The following POLR3B variants were observed in gnomAD, a reference collection of about 807,000 sequenced individuals.
POLR3B encodes RNA polymerase III subunit B, also known as DNA-directed RNA polymerase III subunit RPC2.
POLR3B carries 96 observed loss-of-function variants against 147.4 expected under a neutral mutation model. The ratio of observed to expected loss-of-function variants is 0.65; its 90% CI spans 0.55 to 0.77. POLR3B has a LOEUF of 0.77. POLR3B is among the 30% of genes least tolerant of loss of function. The probability of loss-of-function intolerance (pLI) is 0.00; values close to 1 mark genes in which losing one functional copy is unlikely to be tolerated. For missense variants in POLR3B, 1,036 were observed against 1,413.5 expected, an observed-to-expected ratio of 0.73 and a Z score of 4.28; for synonymous variants, 461 against 485.9, an observed-to-expected ratio of 0.95 and a Z score of 0.67.
intron 18 of POLR3B, among the ~76,000 whole-genome samples, chr12:106,442,834 T>G (rs2037671439): frequency 6.6e-6 from 1 of 152,186 alleles, no homozygotes; most frequent in African/African-American, 2.4e-5. Flanking sequence ...ACACATCTGG[T>G]ACTTTCCACA....
rs1393457927 is a variant in POLR3B at position 106,496,800 on chromosome 12, G to A, written c.2866G>A (p.Gly956Ser). The A allele has an allele frequency of 9.3e-6, 15 of 1,614,150 alleles. No individual in the cohort carries two copies. Among genetic ancestry groups the A allele is most frequent in the Non-Finnish European group, 1.2e-5 (14 of 1,180,028 alleles). ...LLAGKAGVLD[G>S]RFHYGTAFGG... ...GGCTGGCAAGGCCGGTGTGCTGGAC[G>A]GCAGATTCCACTACGGCACTGCGTT... The change falls in exon 25 of 28, where the codon GGC becomes AGC. Residue 956 changes from glycine to serine, a missense_variant. Coordinates refer to ENST00000228347, the MANE Select transcript of POLR3B (RefSeq NM_018082.6).
intron 23 of POLR3B, among the ~76,000 whole-genome samples, chr12:106,474,899 T>C (rs1490979455): frequency 6.6e-6 from 1 of 150,386 alleles, no homozygotes; most frequent in Non-Finnish European, 1.5e-5. Context: ...ATTTCTTGCC[T>C]TCTGCTAGCT....
At chr12:106,414,468 C>T (rs930340933) in intron 12 of POLR3B, among the ~76,000 whole-genome samples, 1 of 152,022 alleles carries the variant, frequency 6.6e-6, no homozygotes, top group Non-Finnish European at 1.5e-5. Flanking sequence ...CCTGGAACTT[C>T]TAAGTCTTCT....
intron 23 of POLR3B, among the ~76,000 whole-genome samples, chr12:106,483,764 G>A (rs926494527): frequency 6.6e-6 from 1 of 152,200 alleles, no homozygotes; most frequent in African/African-American, 2.4e-5. Context: ...GTGCTCAAGA[G>A]TTAGTAAGAG....
At chr12:106,398,559 A>G (rs4378483) in intron 10 of POLR3B, among the ~76,000 whole-genome samples, 144,616 of 152,294 alleles carry the variant, frequency 0.95, 68,707 homozygotes, top group East Asian at 1. Flanking sequence ...TGACCCCCGA[A>G]TAGCCTAACT....
rs898784737 is a variant in POLR3B at position 106,473,979 on chromosome 12, C to T, written c.2713+10359C>T. On this transcript the variant is annotated intron_variant, in intron 23 of 27. Coordinates refer to ENST00000228347, the MANE Select transcript of POLR3B (RefSeq NM_018082.6). The stretch of plus-strand genomic sequence containing the variant: ...GGAATGCTTCCAGTTTTTGCCCATT[C>T]AGTATGATATTGGCTGTGGGTTTGT... Among the ~76,000 whole-genome samples the T allele has an allele frequency of 1.2e-3, 185 of 148,750 alleles. 1 individual carries two copies. Among genetic ancestry groups the T allele is most frequent in the African/African-American group, 4.3e-3 (175 of 40,546 alleles).
At chr12:106,501,532 G>T in intron 26 of POLR3B, 96 bp downstream of exon 26, 2 of 770,724 alleles carry the variant, frequency 2.6e-6, no homozygotes, top group African/African-American at 1.7e-5. Flanking sequence ...CAAAGTTTCT[G>T]TTTTCCTGAG....
chr12:106,480,232 T>C (rs538705589), intron 23 of POLR3B, among the ~76,000 whole-genome samples: 1 of 152,182 alleles, frequency 6.6e-6, no homozygotes, highest in East Asian at 1.9e-4. Context: ...GTCTGATTTG[T>C]TGTTGTTGGA....
chr12:106,439,474 G>A (rs1018004511), intron 18 of POLR3B, among the ~76,000 whole-genome samples: 5 of 152,088 alleles, frequency 3.3e-5, no homozygotes, highest in African/African-American at 9.6e-5. Context: ...GCAAGACCCC[G>A]TCTCTACAAA....
chr12:106,387,374 C>T (rs2036855210), intron 9 of POLR3B, among the ~76,000 whole-genome samples: 1 of 152,142 alleles, frequency 6.6e-6, no homozygotes, highest in Admixed American at 6.5e-5. Context: ...AGGCTTTACT[C>T]TTAAACACAA....
chr12:106,466,942 T>A (rs2038014123), intron 23 of POLR3B, among the ~76,000 whole-genome samples: 1 of 152,230 alleles, frequency 6.6e-6, no homozygotes, highest in African/African-American at 2.4e-5. Flanking sequence ...TGGGCTCTTT[T>A]TTGGTTCCAT....
chr12:106,444,650 T>G, intron 19 of POLR3B, 60 bp downstream of exon 19: 5 of 1,549,734 alleles, frequency 3.2e-6, no homozygotes, highest in Non-Finnish European at 4.4e-6. Flanking sequence ...GGAAAAAGCC[T>G]TACATCTTTA....
At chr12:106,390,143 G>T (rs199567927) in intron 9 of POLR3B, among the ~76,000 whole-genome samples, 1 of 151,718 alleles carries the variant, frequency 6.6e-6, no homozygotes, top group Admixed American at 6.6e-5. Context: ...ACTTGAATCC[G>T]GGAGGCAGAG....
chr12:106,418,010 A>G (rs980000476), intron 12 of POLR3B, among the ~76,000 whole-genome samples: 4 of 152,210 alleles, frequency 2.6e-5, no homozygotes, highest in Non-Finnish European at 5.9e-5. Flanking sequence ...TGTAAAAACA[A>G]TAGCTGCTAA....
chr12:106,433,740 G>A lies in POLR3B; in HGVS notation c.1649G>A (p.Arg550Gln), dbSNP rs1565895177. Reference sequence around the variant, plus strand: ...CTAGGTAACATCTTAGGTGTCATTCGAGACCACAAAAAGCTAGTGAATACA... The same window carrying A: ...CTAGGTAACATCTTAGGTGTCATTCAAGACCACAAAAAGCTAGTGAATACA... ...FLNGNILGVI[R>Q]DHKKLVNTFR... Residue 550 changes from arginine to glutamine, a missense_variant, in exon 16 of 28, where the codon CGA (arginine) becomes CAA (glutamine). By Grantham distance (43) the Arg-to-Gln change is conservative. Coordinates refer to ENST00000228347, the MANE Select transcript of POLR3B (RefSeq NM_018082.6). The A allele has an allele frequency of 1.2e-6, 2 of 1,613,128 alleles. No homozygotes were observed. The highest frequency in any genetic ancestry group is 1.7e-6 in the Non-Finnish European group (2 of 1,179,692).
At chr12:106,366,317 A>T (rs2036535129) in intron 2 of POLR3B, among the ~76,000 whole-genome samples, 199 bp from the exon 3 acceptor site, 1 of 152,232 alleles carries the variant, frequency 6.6e-6, no homozygotes, top group Admixed American at 6.5e-5. Context: ...TAGTAAGACG[A>T]TGCAGAAATG....
chr12:106,485,475 C>T (rs967641883), intron 23 of POLR3B, among the ~76,000 whole-genome samples: 4 of 152,106 alleles, frequency 2.6e-5, no homozygotes, highest in African/African-American at 9.7e-5. Context: ...AGGAAGGGGG[C>T]AGGGAGACCA....
chr12:106,363,986 T>C, intron 2 of POLR3B, 84 bp downstream of exon 2: 1 of 1,033,880 alleles, frequency 9.7e-7, no homozygotes, highest in South Asian at 1.3e-5. Flanking sequence ...GATTAAATTT[T>C]TGTCATCAAC....
At chr12:106,451,539 T>C (rs2137024589) in intron 19 of POLR3B, among the ~76,000 whole-genome samples, 1 of 149,490 alleles carries the variant, frequency 6.7e-6, no homozygotes, top group Admixed American at 6.7e-5. Context: ...CAAGAATCAG[T>C]TGAACCCAGG....
Sources: gnomAD v4.1 joint callset for allele counts (sites outside exome capture counted in the v4.1 genomes callset) on GRCh38, gnomAD v4.1.1 for gene constraint, MANE v1.5 for transcripts, NCBI Gene and HGNC (gene_info 2026-07-23, HGNC 2026-07-21) for gene names.